LRRIQ1: variants seen among roughly 807,000 people sequenced by gnomAD.
LRRIQ1 encodes leucine-rich repeat- and IQ domain-containing protein 1.
A neutral mutation model predicts 211.9 loss-of-function variants in LRRIQ1; 210 were observed. The ratio of observed to expected loss-of-function variants is 0.99; its 90% CI spans 0.89 to 1.11. The LOEUF is 1.11. Ranked by LOEUF, LRRIQ1 falls within the 50% of genes most tolerant of loss-of-function variation. LRRIQ1 has a pLI of 0.00. For missense variants in LRRIQ1, 2,136 were observed against 1,939.5 expected (o/e 1.10, Z -1.90); for synonymous variants, 699 against 650.1 (o/e 1.08, Z -1.14).
intron 1 of LRRIQ1, among the ~76,000 whole-genome samples, chr12:85,252,164 A>AT (rs145771709): frequency 0.022 from 3,388 of 152,036 alleles, 122 homozygotes; most frequent in African/African-American, 0.078. Context: ...TAAAACTCAT[A>AT]TTAAAGCCCA....
intron 17 of LRRIQ1, among the ~76,000 whole-genome samples, chr12:85,125,105 G>A (rs997088123): frequency 6.6e-6 from 1 of 152,062 alleles, no homozygotes; most frequent in African/African-American, 2.4e-5. Flanking sequence ...CGTGAACCCG[G>A]GAGGTGGAGG....
At chr12:85,173,177 G>A (rs538426030) in intron 24 of LRRIQ1, among the ~76,000 whole-genome samples, 1 of 152,074 alleles carries the variant, frequency 6.6e-6, no homozygotes, top group Non-Finnish European at 1.5e-5. Context: ...CATTAATTCT[G>A]TAATAAAATT....
chr12:85,160,477 T>C, intron 23 of LRRIQ1, 136 bp from the exon 24 acceptor site: 1 of 504,918 alleles, frequency 2.0e-6, no homozygotes, highest in Non-Finnish European at 3.5e-6. Context: ...AAGCTTAATA[T>C]AACATCATCA....
chr12:85,120,106 T>G lies in LRRIQ1; in HGVS notation c.3378-1591T>G, dbSNP rs75693161. Among the ~76,000 whole-genome samples the G allele has an allele frequency of 4.8e-3, 737 of 152,322 alleles. 7 individuals are homozygous for G. The highest frequency in any genetic ancestry group is 0.017 in the African/African-American group (711 of 41,588). ...CTTTTGCATTTTATCTAAAAAATCA[T>G]CATCATACCAAAGGTCATCTAGATT... On this transcript the variant is annotated intron_variant, in intron 15 of 26. Coordinates refer to ENST00000393217, the MANE Select transcript of LRRIQ1 (RefSeq NM_001079910.2).
chr12:85,188,026 A>T (rs1892313753), intron 24 of LRRIQ1, among the ~76,000 whole-genome samples: 1 of 151,980 alleles, frequency 6.6e-6, no homozygotes. Context: ...AGAAGTATAC[A>T]TTTAAAAGCT....
intron 8 of LRRIQ1, among the ~76,000 whole-genome samples, chr12:85,063,992 A>G (rs1403347100): frequency 6.6e-6 from 1 of 151,822 alleles, no homozygotes; most frequent in Non-Finnish European, 1.5e-5. Context: ...GTACTGCCGT[A>G]AAAATGAGGG....
At chr12:85,094,843 G>A (rs1328417208) in intron 11 of LRRIQ1, among the ~76,000 whole-genome samples, 1 of 151,744 alleles carries the variant, frequency 6.6e-6, no homozygotes, top group Non-Finnish European at 1.5e-5. Flanking sequence ...TAGATATATT[G>A]CTAGGTGTGT....
In LRRIQ1 at chr12:85,056,725, G is replaced by C. The variant is rs1412033039; in HGVS notation, c.1932G>C (p.Glu644Asp). Residue 644 changes from glutamate (E) to aspartate (D), a missense_variant, in exon 8 of 27, where the codon GAG (glutamate) becomes GAC (aspartate). Glu to Asp is a conservative substitution (Grantham distance 45, BLOSUM62 2). Transcript: ENST00000393217. ...EIYSKSKEIE[E>D]NPKDNAWNSG... is the part of the protein sequence containing the mutation. Reference sequence around the variant, plus strand: ...ATTCAAAATCCAAAGAAATTGAGGAGAACCCAAAAGACAATGCTTGGAATA... The same window carrying C: ...ATTCAAAATCCAAAGAAATTGAGGACAACCCAAAAGACAATGCTTGGAATA... 1.2e-6 allele frequency: 2 copies of C among 1,606,378 alleles called. No individual in the cohort carries two copies. Among genetic ancestry groups the C allele is most frequent in the Non-Finnish European group, 1.7e-6 (2 of 1,178,026 alleles).
intron 3 of LRRIQ1, among the ~76,000 whole-genome samples, chr12:85,041,425 G>A (rs1878871760): frequency 6.6e-6 from 1 of 151,528 alleles, no homozygotes; most frequent in Admixed American, 6.6e-5. Flanking sequence ...AATGTAAGGA[G>A]ATAGAGACTG....
chr12:85,105,406 A>G (rs949512729), intron 14 of LRRIQ1, among the ~76,000 whole-genome samples: 1 of 151,924 alleles, frequency 6.6e-6, no homozygotes, highest in Non-Finnish European at 1.5e-5. Context: ...TTTTATATGG[A>G]TATCGAATTG....
chr12:85,137,732 T>C, intron 18 of LRRIQ1, 118 bp from the exon 19 acceptor site: 1 of 791,936 alleles, frequency 1.3e-6, no homozygotes, highest in Non-Finnish European at 1.9e-6. Context: ...AGAAAACAGA[T>C]TATTGTGTCA....
intron 18 of LRRIQ1, among the ~76,000 whole-genome samples, chr12:85,128,710 A>G (rs1033272861): frequency 2.0e-5 from 3 of 152,352 alleles, no homozygotes; most frequent in Middle Eastern, 3.4e-3. Context: ...TATATGTTTG[A>G]AAATCTACCA....
At chr12:85,143,439 G>T (rs181196435) in intron 19 of LRRIQ1, among the ~76,000 whole-genome samples, 10 of 151,650 alleles carry the variant, frequency 6.6e-5, no homozygotes, top group Non-Finnish European at 1.2e-4. Flanking sequence ...TTACTTTGCT[G>T]CACTGGAGCT....
At chr12:85,170,324 C>T (rs1891355564) in intron 24 of LRRIQ1, among the ~76,000 whole-genome samples, 1 of 150,352 alleles carries the variant, frequency 6.7e-6, no homozygotes, top group Non-Finnish European at 1.5e-5. Flanking sequence ...ACTTACATCA[C>T]ATAATAAAGG....
chr12:85,232,992 C>A, intron 26 of LRRIQ1: 1 of 396,898 alleles, frequency 2.5e-6, no homozygotes, highest in Non-Finnish European at 4.4e-6. Flanking sequence ...AAAATATTAG[C>A]ATCCTACAAC....
intron 12 of LRRIQ1, 90 bp downstream of exon 12, chr12:85,098,638 TA>T (rs1002331201): frequency 6.4e-6 from 7 of 1,089,670 alleles, no homozygotes; most frequent in Non-Finnish European, 9.1e-6. Context: ...CAATTTTGAA[TA>T]ATTATTTTGT....
At chr12:85,099,234 C>T (rs1445164838) in intron 13 of LRRIQ1, among the ~76,000 whole-genome samples, 2 of 151,710 alleles carry the variant, frequency 1.3e-5, no homozygotes, top group Non-Finnish European at 3.0e-5. Context: ...AATTTTATTT[C>T]TTCTCAAAGA....
Position 85,038,187 on chromosome 12 carries a change from A to G in LRRIQ1, c.11A>G (p.Asp4Gly). The G allele has an allele frequency of 6.4e-7, 1 of 1,562,982 alleles. No individual in the cohort carries two copies. The highest frequency in any genetic ancestry group is 1.2e-5 in the South Asian group (1 of 83,844). Reference protein sequence around the residue: MDDDDAKLKAEIEA... With the variant: MDDGDAKLKAEIEA... ...TTATTATGAAGAATAATGGACGATG[A>G]TGATGCAAAGCTCAAAGCAGAAATA... Residue 4 changes from aspartate to glycine, a missense_variant, in exon 2 of 27, where the codon GAT (aspartate) becomes GGT (glycine). Asp to Gly is a moderately conservative substitution (Grantham distance 94). Coordinates refer to ENST00000393217, the MANE Select transcript of LRRIQ1 (RefSeq NM_001079910.2).
rs139955330 is a variant in LRRIQ1, at chr12:85,073,941, G to T, written c.2887+843G>T. On this transcript the variant is annotated intron_variant, in intron 11 of 26. Transcript: ENST00000393217. ...AAGATAGATTTGTGTTTGTAAGTTA[G>T]TGAGTTACTATTCCATGCTATAATA... Among the ~76,000 whole-genome samples the T allele has an allele frequency of 2.0e-5, 3 of 152,118 alleles. No homozygotes were observed. In the East Asian group the frequency reaches 5.8e-4, roughly 30 times the overall value.
Sources: gnomAD v4.1 joint callset for allele counts (sites outside exome capture counted in the v4.1 genomes callset) on GRCh38, gnomAD v4.1.1 for gene constraint, MANE v1.5 for transcripts, NCBI Gene and HGNC (gene_info 2026-07-23, HGNC 2026-07-21) for gene names.